The following DOK6 variants were observed in gnomAD, a reference collection of about 807,000 sequenced individuals.
DOK6 encodes downstream of tyrosine kinase 6.
Under a neutral mutation model 44.0 loss-of-function variants are expected in DOK6, and 22 were observed. The observed-to-expected ratio is 0.50, with a 90% CI of 0.36 to 0.71. DOK6 has a LOEUF of 0.71. Ranked by LOEUF, DOK6 falls within the 30% of genes least tolerant of loss-of-function variation. The pLI is 0.00. For missense variants in DOK6, 340 were observed against 416.4 expected (o/e 0.82, Z 1.60); for synonymous variants, 166 against 145.5 (o/e 1.14, Z -1.01).
chr18:69,599,539 C>A, intron 3 of DOK6, 41 bp downstream of exon 3: 1 of 1,544,436 alleles, frequency 6.5e-7, no homozygotes. Context: ...GGAAATTGAG[C>A]TGCTTGTGAG....
intron 1 of DOK6, among the ~76,000 whole-genome samples, chr18:69,410,572 G>T (rs995813002): frequency 6.6e-6 from 1 of 152,100 alleles, no homozygotes; most frequent in African/African-American, 2.4e-5. Flanking sequence ...GAACACAGAA[G>T]GAATACAACA....
chr18:69,542,843 CGTGGATTAGTTCCTA>C (rs879928879), intron 1 of DOK6, among the ~76,000 whole-genome samples: 20 of 151,686 alleles, frequency 1.3e-4, no homozygotes, highest in African/African-American at 4.8e-4. Context: ...ATACACCGAG[CGTGGATTAGTTCCTA>C]AGGCTGCAAG....
chr18:69,438,916 C>CA (rs1283803941), intron 1 of DOK6, among the ~76,000 whole-genome samples: 2 of 151,892 alleles, frequency 1.3e-5, no homozygotes, highest in African/African-American at 2.4e-5. Flanking sequence ...ACAAAAACTA[C>CA]AAAAAAATAG....
intron 2 of DOK6, among the ~76,000 whole-genome samples, chr18:69,578,898 GAAAT>G (rs1184426808): frequency 1.3e-5 from 2 of 151,656 alleles, no homozygotes; most frequent in South Asian, 2.1e-4. Context: ...AGCATCCTTT[GAAAT>G]AAATAATAAT....
chr18:69,476,061 G>C (rs778441537), intron 1 of DOK6, among the ~76,000 whole-genome samples: 1 of 151,948 alleles, frequency 6.6e-6, no homozygotes, highest in East Asian at 1.9e-4. Flanking sequence ...ACCTCCAATA[G>C]TCCCCAGCGT....
Position 69,818,175 on chromosome 18 carries a change from G to A in DOK6, c.857-23069G>A, listed in dbSNP as rs532679966. Among the ~76,000 whole-genome samples the A allele has an allele frequency of 6.6e-5, 10 of 152,250 alleles. No individual in the cohort carries two copies. The East Asian group carries it at 7.7e-4, about 12-fold the overall frequency. ...AAGATACAAAGCATCCCTGGCCTGC[G>A]AACAGGGGGCATTTTGGCAGCAGGG... On this transcript the variant is annotated intron_variant, in intron 7 of 7. Coordinates refer to ENST00000382713, the MANE Select transcript of DOK6 (RefSeq NM_152721.6).
At chr18:69,504,122 G>T (rs1981120592) in intron 1 of DOK6, among the ~76,000 whole-genome samples, 2 of 151,898 alleles carry the variant, frequency 1.3e-5, no homozygotes, top group South Asian at 2.1e-4. Context: ...AGAGTTAATG[G>T]GATAAGTTTC....
rs1383613738 is a variant in DOK6, at chr18:69,481,641, G to C, written c.66+80331G>C. Among the ~76,000 whole-genome samples, 7 of 152,256 alleles carry C rather than the reference G, an allele frequency of 4.6e-5. 1 individual carries two copies. The South Asian group carries it at 1.2e-3, about 27-fold the overall frequency. ...CTATCATTGTTGGACATTTGGGTTG[G>C]TTCCAAGTCTTTGCTATTGTGAATA... On this transcript the variant is annotated intron_variant, in intron 1 of 7. Transcript: ENST00000382713.
At chr18:69,756,202 C>T (rs890350824) in intron 6 of DOK6, among the ~76,000 whole-genome samples, 7 of 152,150 alleles carry the variant, frequency 4.6e-5, no homozygotes, top group Admixed American at 1.3e-4. Flanking sequence ...GCCATTTCAC[C>T]GTCTCCTGCC....
At chr18:69,584,813 A>G (rs1983462282) in intron 2 of DOK6, among the ~76,000 whole-genome samples, 1 of 138,706 alleles carries the variant, frequency 7.2e-6, no homozygotes. Flanking sequence ...GATATTTTAT[A>G]TTTTCCTAGA....
intron 1 of DOK6, among the ~76,000 whole-genome samples, chr18:69,445,729 C>G (rs1979266905): frequency 6.6e-6 from 1 of 152,034 alleles, no homozygotes; most frequent in East Asian, 1.9e-4. Context: ...TATCAAAAAT[C>G]TATTTTCTTG....
chr18:69,573,271 C>A (rs540240255), intron 2 of DOK6, among the ~76,000 whole-genome samples: 1 of 151,568 alleles, frequency 6.6e-6, no homozygotes, highest in Non-Finnish European at 1.5e-5. Flanking sequence ...GAAAATGAAG[C>A]GGCAAAACAG....
At chr18:69,758,133 T>C (rs935491966) in intron 7 of DOK6, among the ~76,000 whole-genome samples, 6 of 152,240 alleles carry the variant, frequency 3.9e-5, no homozygotes, top group Admixed American at 6.5e-5. Context: ...ACTAAAACAT[T>C]ATACCAAGCA....
intron 7 of DOK6, among the ~76,000 whole-genome samples, chr18:69,798,785 T>A (rs2145103970): frequency 6.6e-6 from 1 of 151,966 alleles, no homozygotes; most frequent in African/African-American, 2.4e-5. Flanking sequence ...CATATTACCA[T>A]TTACAAGTTT....
At chr18:69,450,936 G>C (rs1203485973) in intron 1 of DOK6, among the ~76,000 whole-genome samples, 3 of 149,314 alleles carry the variant, frequency 2.0e-5, no homozygotes, top group African/African-American at 7.4e-5. Flanking sequence ...GGAACAACCG[G>C]TACCAGCCGC....
chr18:69,779,802 T>G (rs964795236), intron 7 of DOK6, among the ~76,000 whole-genome samples: 1 of 151,866 alleles, frequency 6.6e-6, no homozygotes, highest in Admixed American at 6.6e-5. Context: ...TTGTAATTGG[T>G]CTTCTTGACA....
chr18:69,545,068 C>T (rs1337970604), intron 1 of DOK6, among the ~76,000 whole-genome samples: 2 of 148,772 alleles, frequency 1.3e-5, no homozygotes, highest in African/African-American at 4.9e-5. Flanking sequence ...TGCAGTGAGC[C>T]GAGATTGCGC....
chr18:69,591,522 G>A (rs1416598839), intron 2 of DOK6, among the ~76,000 whole-genome samples: 1 of 152,068 alleles, frequency 6.6e-6, no homozygotes, highest in Non-Finnish European at 1.5e-5. Context: ...ATTAAAATTT[G>A]GGAATCTTGT....
chr18:69,469,648 G>C, intron 1 of DOK6: 1 of 225,466 alleles, frequency 4.4e-6, no homozygotes, highest in Non-Finnish European at 9.3e-6. Context: ...CCTGCCGGCT[G>C]CCTCACCAGA....
Sources: allele counts gnomAD v4.1 joint callset (sites outside exome capture counted in the v4.1 genomes callset), GRCh38; gene constraint gnomAD v4.1.1; transcripts MANE v1.5; gene names NCBI Gene and HGNC (gene_info 2026-07-23, HGNC 2026-07-21).